The following SMCHD1 variants were observed in gnomAD, a reference collection of about 807,000 sequenced individuals.
The protein encoded by SMCHD1 is structural maintenance of chromosomes flexible hinge domain-containing protein 1.
Under a neutral mutation model 254.7 loss-of-function variants are expected in SMCHD1, and 78 were observed. The ratio of observed to expected loss-of-function variants is 0.31; its 90% CI spans 0.26 to 0.37. SMCHD1 has a LOEUF of 0.37. Among genes scored for constraint, SMCHD1 ranks in the 10% least tolerant of loss-of-function variants. The pLI is 1.00. For missense variants in SMCHD1, 1,840 were observed against 2,408.1 expected (o/e 0.76, Z 4.94); for synonymous variants, 766 against 794.9 (o/e 0.96, Z 0.61).
intron 45 of SMCHD1, among the ~76,000 whole-genome samples, chr18:2,785,523 G>A (rs548006340): frequency 6.6e-5 from 10 of 151,744 alleles, no homozygotes; most frequent in African/African-American, 2.4e-4. Flanking sequence ...GTGGTGACAC[G>A]CACCTGTAGT....
intron 41 of SMCHD1, among the ~76,000 whole-genome samples, chr18:2,773,493 A>G (rs1009233007): frequency 1.3e-5 from 2 of 152,196 alleles, no homozygotes; most frequent in African/African-American, 4.8e-5. Context: ...ATTTCGTTTT[A>G]CATAGTTTCT....
At chr18:2,778,276 A>G in intron 44 of SMCHD1, 37 bp downstream of exon 44, 2 of 1,411,232 alleles carry the variant, frequency 1.4e-6, no homozygotes, top group Non-Finnish European at 2.0e-6. Context: ...TGTAGACTTC[A>G]GTTTTAATGT....
In SMCHD1 at chr18:2,740,792, G is replaced by C; in HGVS notation, c.3604G>C (p.Asp1202His). Residue 1202 changes from aspartate (D) to histidine (H), a missense_variant, in exon 28 of 48, where the codon GAT becomes CAT. Coordinates refer to ENST00000320876, the MANE Select transcript of SMCHD1 (RefSeq NM_015295.3). Reference protein sequence around the residue: ...SSLSIAGVGLDSSNLKTTFQE... With the variant: ...SSLSIAGVGLHSSNLKTTFQE... ...TTTGTCAATTGCTGGGGTTGGACTT[G>C]ATAGCTCAAATTTGAAAACAACCTT... 1.2e-6 allele frequency: 2 copies of C among 1,608,250 alleles called. No homozygotes were observed. The highest frequency in any genetic ancestry group is 2.2e-5 in the East Asian group (1 of 44,596).
intron 1 of SMCHD1, among the ~76,000 whole-genome samples, chr18:2,664,334 C>T (rs1242532427): frequency 1.3e-5 from 2 of 151,388 alleles, no homozygotes; most frequent in Non-Finnish European, 2.9e-5. Context: ...AAATCAGGAT[C>T]TGACATAGTC....
chr18:2,707,480 A>G, intron 15 of SMCHD1, 83 bp from the exon 16 acceptor site: 2 of 775,466 alleles, frequency 2.6e-6, no homozygotes, highest in Admixed American at 5.3e-5. Context: ...ATAAATATTT[A>G]AGTTTCTAAT....
intron 45 of SMCHD1, among the ~76,000 whole-genome samples, chr18:2,789,134 A>T (rs1399308568): frequency 6.6e-6 from 1 of 151,786 alleles, no homozygotes; most frequent in East Asian, 1.9e-4. Flanking sequence ...TGATCCTCCC[A>T]CCTTAGCCTT....
rs376451745 is a variant in SMCHD1, at chr18:2,656,195, C to T, written c.120C>T (p.Leu40=). 58 of 1,505,126 alleles carry T rather than the reference C, an allele frequency of 3.9e-5. 1 individual carries two copies. Among genetic ancestry groups the T allele is most frequent in the Non-Finnish European group, 5.0e-5 (57 of 1,132,898 alleles). 93.2% of individuals were successfully genotyped at this position (1,505,126 alleles called of 1,614,324 possible). A position where few individuals can be genotyped will look rare whatever the true frequency, so the allele number is the denominator to read the frequency against. Reference sequence around the variant, plus strand: ...ATCGGCGCGAAAAGGAGTCCGAGCTCGGGGACCGGCCTCTGCAGGTCGGGG... The same window carrying T: ...ATCGGCGCGAAAAGGAGTCCGAGCTTGGGGACCGGCCTCTGCAGGTCGGGG... ...LFDRREKESE[L]GDRPLQVGER... Residue 40 remains leucine (L), a synonymous_variant, in exon 1 of 48, where the codon CTC becomes CTT. Coordinates refer to ENST00000320876, the MANE Select transcript of SMCHD1 (RefSeq NM_015295.3).
chr18:2,723,018 A>G (rs1295181656), intron 20 of SMCHD1, among the ~76,000 whole-genome samples: 1 of 152,110 alleles, frequency 6.6e-6, no homozygotes, highest in African/African-American at 2.4e-5. Flanking sequence ...TAGCGTTCTT[A>G]GTTATTGGAT....
intron 3 of SMCHD1, among the ~76,000 whole-genome samples, chr18:2,671,826 C>G (rs948006381): frequency 6.6e-6 from 1 of 151,810 alleles, no homozygotes; most frequent in Non-Finnish European, 1.5e-5. Context: ...TCTTGATCTT[C>G]TGACCTGAAG....
intron 5 of SMCHD1, among the ~76,000 whole-genome samples, chr18:2,685,763 C>T (rs543934598): frequency 2.4e-4 from 37 of 152,296 alleles, no homozygotes; most frequent in Admixed American, 1.9e-3. Context: ...GCATAATTTT[C>T]GAGGATCATC....
At chr18:2,711,036 G>A (rs1296898005) in intron 17 of SMCHD1, among the ~76,000 whole-genome samples, 1 of 152,080 alleles carries the variant, frequency 6.6e-6, no homozygotes, top group African/African-American at 2.4e-5. Context: ...GAATGATGCG[G>A]CACAGTCGTG....
At chr18:2,670,099 C>T (rs1163747435) in intron 3 of SMCHD1, among the ~76,000 whole-genome samples, 3 of 152,178 alleles carry the variant, frequency 2.0e-5, no homozygotes, top group African/African-American at 7.2e-5. Context: ...TGGATTGTGT[C>T]ACTCGCTGCT....
At chr18:2,724,663 A>G (rs535654543) in intron 20 of SMCHD1, among the ~76,000 whole-genome samples, 23 of 152,268 alleles carry the variant, frequency 1.5e-4, no homozygotes, top group Admixed American at 9.2e-4. Flanking sequence ...ATTTTACATT[A>G]TATGTATTAT....
At chr18:2,661,124 A>G (rs1242020571) in intron 1 of SMCHD1, among the ~76,000 whole-genome samples, 1 of 152,202 alleles carries the variant, frequency 6.6e-6, no homozygotes, top group Non-Finnish European at 1.5e-5. Flanking sequence ...TGGGAGTTGA[A>G]CAATGAGAAC....
At chr18:2,773,955 G>A (rs149334925) in intron 41 of SMCHD1, among the ~76,000 whole-genome samples, 46 of 151,998 alleles carry the variant, frequency 3.0e-4, no homozygotes, top group African/African-American at 1.1e-3. Context: ...ATAAATAATC[G>A]TAGAAATACA....
At chr18:2,792,527 T>TCAGACATCCACTGGGGGTC (rs1483627558) in intron 45 of SMCHD1, among the ~76,000 whole-genome samples, 3 of 152,190 alleles carry the variant, frequency 2.0e-5, no homozygotes, top group Non-Finnish European at 4.4e-5. Flanking sequence ...CACTGGGGGT[T>TCAGACATCCACTGGGGGTC]TCAGACATCC....
intron 34 of SMCHD1, among the ~76,000 whole-genome samples, chr18:2,755,869 G>GT (rs1225434341): frequency 6.6e-6 from 1 of 151,966 alleles, no homozygotes; most frequent in Non-Finnish European, 1.5e-5. Context: ...CCTCGGCCGT[G>GT]TATTTTCTTT....
intron 5 of SMCHD1, among the ~76,000 whole-genome samples, chr18:2,684,700 A>AGTGTCTGT (rs1555629724): frequency 2.6e-5 from 3 of 115,526 alleles, no homozygotes; most frequent in Non-Finnish European, 5.5e-5. Context: ...TTGCAGATTC[A>AGTGTCTGT]GTGTGTGTGT....
chr18:2,785,763 T>G (rs1021323407), intron 45 of SMCHD1, among the ~76,000 whole-genome samples: 11 of 149,578 alleles, frequency 7.4e-5, no homozygotes, highest in Non-Finnish European at 1.0e-4. Flanking sequence ...GTATAAACTC[T>G]CCATTGTCCA....
Sources: allele counts gnomAD v4.1 joint callset (sites outside exome capture counted in the v4.1 genomes callset), GRCh38; gene constraint gnomAD v4.1.1; transcripts MANE v1.5; gene names NCBI Gene and HGNC (gene_info 2026-07-23, HGNC 2026-07-21).